Variants in ZNF678 observed in about 807,000 individuals in gnomAD.
The protein encoded by ZNF678 is hypothetical protein MGC42493.
ZNF678 carries 5 observed loss-of-function variants against 3.0 expected under a neutral mutation model. The observed-to-expected ratio is 1.69, with a 90% CI of 0.88 to 3.56. The LOEUF (loss-of-function observed/expected upper bound fraction) is 3.56. Ranked by LOEUF, ZNF678 falls within the 30% of genes most tolerant of loss-of-function variation. The pLI is 0.00. For missense variants in ZNF678, 593 were observed against 605.0 expected (o/e 0.98, Z 0.21); for synonymous variants, 218 against 199.6 (o/e 1.09, Z -0.78).
chr1:227,565,381 T>C (rs4653514), intron 1 of ZNF678, among the ~76,000 whole-genome samples: 79,214 of 151,836 alleles, frequency 0.52, 21,884 homozygotes, highest in Non-Finnish European at 0.62. Flanking sequence ...TTTAAGAGGA[T>C]CTTGCTCTGT....
intron 1 of ZNF678, among the ~76,000 whole-genome samples, chr1:227,640,873 A>T (rs977344543): frequency 2.0e-5 from 3 of 152,160 alleles, no homozygotes; most frequent in African/African-American, 7.2e-5. Context: ...GAGGGAGATG[A>T]TAAAAGGAGC....
At position 227,572,287 on chromosome 1, in the gene ZNF678, C is replaced by T. The variant is rs1656867085; in HGVS notation, c.-164+8563C>T. 2.0e-5 allele frequency among the ~76,000 whole-genome samples: 3 copies of T among 152,236 alleles called. No homozygotes were observed. The South Asian group carries it at 6.2e-4, about 31-fold the overall frequency. On this transcript the variant is annotated intron_variant, in intron 1 of 3. Coordinates refer to ENST00000343776, the MANE Select transcript of ZNF678 (RefSeq NM_001367909.1). The stretch of plus-strand genomic sequence containing the variant: ...TTGACATGGAGATGGTTGAGATGGT[C>T]TACAATAAATCTATGGGAGAAGCAG...
At chr1:227,664,496 C>G (rs1206683408), downstream of ZNF678, among the ~76,000 whole-genome samples, 1 of 152,130 alleles carries the variant, frequency 6.6e-6, no homozygotes, top group Non-Finnish European at 1.5e-5. Flanking sequence ...TGGGCCTCTC[C>G]TGAGATGCCC....
chr1:227,608,990 C>T (rs1350917459), intron 1 of ZNF678, among the ~76,000 whole-genome samples: 1 of 151,948 alleles, frequency 6.6e-6, no homozygotes, highest in Non-Finnish European at 1.5e-5. Context: ...AATTTATAAG[C>T]CACATAGGAA....
At chr1:227,572,618 C>G (rs1656877873) in intron 1 of ZNF678, among the ~76,000 whole-genome samples, 1 of 152,208 alleles carries the variant, frequency 6.6e-6, no homozygotes, top group Non-Finnish European at 1.5e-5. Flanking sequence ...GGGTGTCTCC[C>G]ATAATGTGCA....
intron 1 of ZNF678, among the ~76,000 whole-genome samples, chr1:227,615,564 C>T (rs1166682041): frequency 1.3e-5 from 2 of 152,218 alleles, no homozygotes; most frequent in African/African-American, 4.8e-5. Context: ...CACAGTCAAG[C>T]AACTCCGAAC....
At chr1:227,565,907 C>T (rs1656671611) in intron 1 of ZNF678, among the ~76,000 whole-genome samples, 2 of 152,226 alleles carry the variant, frequency 1.3e-5, no homozygotes, top group Non-Finnish European at 2.9e-5. Flanking sequence ...CAGGAGCCCG[C>T]CACCATGCCC....
intron 5 of ZNF678, among the ~76,000 whole-genome samples, chr1:227,671,743 C>T (rs1331157428): frequency 2.6e-5 from 4 of 152,230 alleles, no homozygotes; most frequent in Non-Finnish European, 5.9e-5. Flanking sequence ...TTCCACCAAA[C>T]TTCTTTACAT....
chr1:227,597,537 C>T (rs1318972436), intron 1 of ZNF678, among the ~76,000 whole-genome samples: 3 of 152,156 alleles, frequency 2.0e-5, no homozygotes, highest in African/African-American at 7.2e-5. Context: ...ATTCCTCTCC[C>T]AAGCCAAAGT....
intron 1 of ZNF678, among the ~76,000 whole-genome samples, chr1:227,628,371 T>C (rs533753087): frequency 9.8e-5 from 15 of 152,350 alleles, no homozygotes; most frequent in African/African-American, 3.1e-4. Flanking sequence ...TAGGGCCTTC[T>C]TTAGGGCCTG....
intron 1 of ZNF678, among the ~76,000 whole-genome samples, chr1:227,631,084 G>A (rs1658536928): frequency 1.3e-5 from 2 of 152,096 alleles, no homozygotes; most frequent in South Asian, 4.1e-4. Context: ...GGGTCAAATT[G>A]GCCCAATTCT....
chr1:227,663,609 T>C (rs1659453392), downstream of ZNF678, among the ~76,000 whole-genome samples: 3 of 152,226 alleles, frequency 2.0e-5, no homozygotes, highest in South Asian at 6.2e-4. Flanking sequence ...TGGGTGCAGT[T>C]ATTTAATAAA....
At chr1:227,632,481 G>A (rs1049534006) in intron 1 of ZNF678, among the ~76,000 whole-genome samples, 1 of 152,090 alleles carries the variant, frequency 6.6e-6, no homozygotes, top group Non-Finnish European at 1.5e-5. Flanking sequence ...CCATGATCTC[G>A]ACCGGCCAAT....
At chr1:227,582,487 ATTTTTT>A (rs59111806) in intron 1 of ZNF678, 23 of 111,776 alleles carry the variant, frequency 2.1e-4, no homozygotes, top group East Asian at 5.3e-4. Flanking sequence ...TGCCCAGCTA[ATTTTTT>A]TTTTTTTTTT....
At chr1:227,666,279 G>C (rs1226367932), downstream of ZNF678, among the ~76,000 whole-genome samples, 1 of 152,120 alleles carries the variant, frequency 6.6e-6, no homozygotes, top group Non-Finnish European at 1.5e-5. Flanking sequence ...AAAAAAGGGA[G>C]CCCAAACAGG....
At chr1:227,627,794 C>G (rs1186983239) in intron 1 of ZNF678, among the ~76,000 whole-genome samples, 1 of 152,176 alleles carries the variant, frequency 6.6e-6, no homozygotes, top group Non-Finnish European at 1.5e-5. Context: ...TTATCACTGG[C>G]CACTGCATAC....
chr1:227,586,224 ATAAT>A (rs1571866485), intron 1 of ZNF678, among the ~76,000 whole-genome samples: 1 of 151,584 alleles, frequency 6.6e-6, no homozygotes, highest in Admixed American at 6.6e-5. Context: ...AAATAAAAAA[ATAAT>A]TAGTCATTCA....
At chr1:227,593,704 T>G (rs915546736) in intron 1 of ZNF678, among the ~76,000 whole-genome samples, 10 of 152,114 alleles carry the variant, frequency 6.6e-5, no homozygotes, top group African/African-American at 1.9e-4. Flanking sequence ...AATAACTAGA[T>G]GGTCAGCAAT....
intron 1 of ZNF678, among the ~76,000 whole-genome samples, chr1:227,565,537 A>AT (rs57878820): frequency 0.54 from 81,840 of 151,486 alleles, 23,035 homozygotes; most frequent in Non-Finnish European, 0.62. Context: ...TTTTTATTTT[A>AT]TTTTTTTGTA....
Sources: gnomAD v4.1 joint callset for allele counts (sites outside exome capture counted in the v4.1 genomes callset) on GRCh38, gnomAD v4.1.1 for gene constraint, MANE v1.5 for transcripts, NCBI Gene and HGNC (gene_info 2026-07-23, HGNC 2026-07-21) for gene names.